The following WDR90 variants were observed in gnomAD, a reference collection of about 807,000 sequenced individuals.
The protein encoded by WDR90 is WD repeat domain 90.
A neutral mutation model predicts 195.2 loss-of-function variants in WDR90; 238 were observed. The observed-to-expected ratio is 1.22, with a 90% CI of 1.10 to 1.36. The LOEUF (loss-of-function observed/expected upper bound fraction) is 1.36. Ranked by LOEUF, WDR90 falls within the 40% of genes most tolerant of loss-of-function variation. WDR90 has a pLI of 0.00. For synonymous variants in WDR90, 1,265 were observed against 1,052.4 expected (o/e 1.20, Z -3.91); for missense variants, 2,734 against 2,439.5 (o/e 1.12, Z -2.54).
chr16:657,375 C>G (rs927750577), intron 20 of WDR90, 154 bp downstream of exon 20: 2 of 1,201,074 alleles, frequency 1.7e-6, no homozygotes, highest in African/African-American at 3.1e-5. Flanking sequence ...TGTCAAGGCC[C>G]TGAGGAGACT....
intron 13 of WDR90, chr16:654,784 G>A (rs570459092): frequency 1.1e-5 from 6 of 542,290 alleles, no homozygotes; most frequent in South Asian, 9.4e-5. Flanking sequence ...CGGCTTGCGG[G>A]GGGGTTTGTA....
chr16:666,791 A>G lies in WDR90; in HGVS notation c.5003A>G (p.Gln1668Arg), dbSNP rs201545943. ...ATCATCTACAACCTCTGCCAGAAGC[A>G]GGTACACGCAGCTGCCCGCGTGTCA... ...EVIIYNLCQK[Q>R]VVEKIPLPFF... is the part of the protein sequence containing the mutation. The change falls in exon 39 of 41, where the codon CAG becomes CGG. Residue 1668 changes from glutamine to arginine, a missense_variant and splice_region_variant. Gln to Arg is a conservative substitution (Grantham distance 43). Transcript: ENST00000293879. 2.5e-6 allele frequency: 4 copies of G among 1,612,666 alleles called. No individual in the cohort carries two copies. Among genetic ancestry groups the G allele is most frequent in the Middle Eastern group, 1.6e-4 (1 of 6,084 alleles).
At position 667,608 on chromosome 16, in the gene WDR90, G is replaced by T. The variant is rs1226910240; in HGVS notation, c.*19G>T. The T allele has an allele frequency of 3.7e-6, 6 of 1,603,726 alleles. No homozygotes were observed. In the South Asian group the frequency reaches 6.6e-5, roughly 18 times the overall value. ...CCTCTGAGATGCAGCAGGGACTGTG[G>T]TGGTGGGCATCACGCCTGGTCATGC... On this transcript the variant is annotated 3_prime_UTR_variant, in exon 41 of 41. Coordinates refer to ENST00000293879, the MANE Select transcript of WDR90 (RefSeq NM_145294.5).
chr16:666,358 A>G lies in WDR90; in HGVS notation c.4740+8A>G. ...TGTGTCACGTGCAAAGAGGTAAAGCAGCCCCAAGAGCTGGGGAGAGGGGGC... is the reference window on the plus strand; with the variant it reads ...TGTGTCACGTGCAAAGAGGTAAAGCGGCCCCAAGAGCTGGGGAGAGGGGGC... On this transcript the variant is annotated splice_region_variant and intron_variant, in intron 37 of 40. Transcript: ENST00000293879. 6.2e-7 allele frequency: 1 copy of G among 1,612,394 alleles called. No individual in the cohort carries two copies. Among genetic ancestry groups the G allele is most frequent in the Non-Finnish European group, 8.5e-7 (1 of 1,179,764 alleles).
chr16:652,502 C>A lies in WDR90; in HGVS notation c.1089C>A (p.Gly363=). 2.5e-6 allele frequency: 4 copies of A among 1,609,908 alleles called. No individual in the cohort carries two copies. The highest frequency in any genetic ancestry group is 3.4e-6 in the Non-Finnish European group (4 of 1,177,886). Residue 363 remains glycine (G), a synonymous_variant, in exon 10 of 41, where the codon GGC becomes GGA. Transcript: ENST00000293879. ...CAGACCCAGTCCTGAGGCTCAAGGG[C>A]GTCATCGGCTTTGGGGGCCACGGCA... ...FLPDPVLRLK[G]VIGFGGHGTR...
Position 652,544 on chromosome 16 carries a change from C to A in WDR90, c.1122+9C>A. 1 of 1,604,714 alleles carries A rather than the reference C, an allele frequency of 6.2e-7. No homozygotes were observed. The highest frequency in any genetic ancestry group is 1.1e-5 in the South Asian group (1 of 90,186). On this transcript the variant is annotated intron_variant, in intron 10 of 40. Coordinates refer to ENST00000293879, the MANE Select transcript of WDR90 (RefSeq NM_145294.5). ...GCCACGGCACCAGACAGGTGAGGCTCCTGCGGCTGTGTCCAGAGCAGCTCT... is the reference window on the plus strand; with the variant it reads ...GCCACGGCACCAGACAGGTGAGGCTACTGCGGCTGTGTCCAGAGCAGCTCT...
At chr16:662,866 C>T (rs941409147) in intron 34 of WDR90, 22 bp downstream of exon 34, 11 of 1,541,808 alleles carry the variant, frequency 7.1e-6, no homozygotes, top group East Asian at 2.4e-5. Flanking sequence ...CCAGCCTGGG[C>T]AGAGGCGGGG....
At chr16:655,494 C>T (rs1472536579) in intron 15 of WDR90, 26 bp downstream of exon 15, 1 of 1,531,878 alleles carries the variant, frequency 6.5e-7, no homozygotes, top group Non-Finnish European at 8.8e-7. Flanking sequence ...TCCCCACGGC[C>T]TGCCCCGGCA....
At chr16:649,946 A>C (rs2037607281) in intron 2 of WDR90, 45 bp from the exon 3 acceptor site, 2 of 1,607,360 alleles carry the variant, frequency 1.2e-6, no homozygotes, top group Non-Finnish European at 1.7e-6. Flanking sequence ...CCCCCGCTGC[A>C]CTTCTTCTGG....
Position 653,836 on chromosome 16 carries a change from G to A in WDR90, c.1437+33G>A, listed in dbSNP as rs577612466. The A allele has an allele frequency of 1.7e-4, 280 of 1,611,818 alleles. 5 individuals carry two copies. In the South Asian group the frequency reaches 2.9e-3, roughly 17 times the overall value. ...GGCCCTGGCTGCGGGTTGGGGTGGG[G>A]CTGTCCTGATGCACGCAGACAGCTG... On this transcript the variant is annotated intron_variant, in intron 13 of 40. Coordinates refer to ENST00000293879, the MANE Select transcript of WDR90 (RefSeq NM_145294.5).
Position 653,465 on chromosome 16 carries a change from G to A in WDR90, c.1233+14G>A, listed in dbSNP as rs201588682. Reference sequence around the variant, plus strand: ...CACACAGACAAGGTGGGTGCTGCCCGGGCCTGGGGCAGCTCACACCTGCAG... The same window carrying A: ...CACACAGACAAGGTGGGTGCTGCCCAGGCCTGGGGCAGCTCACACCTGCAG... On this transcript the variant is annotated intron_variant, in intron 11 of 40. Coordinates refer to ENST00000293879, the MANE Select transcript of WDR90 (RefSeq NM_145294.5). 2.5e-6 allele frequency: 4 copies of A among 1,612,150 alleles called. No individual in the cohort carries two copies. The highest frequency in any genetic ancestry group is 2.2e-5 in the East Asian group (1 of 44,894).
At position 665,784 on chromosome 16, in the gene WDR90, T is replaced by C; in HGVS notation, c.4417T>C (p.Phe1473Leu). The change falls in exon 35 of 41, where the codon TTC (phenylalanine) becomes CTC (leucine). Residue 1473 changes from phenylalanine (F) to leucine (L), a missense_variant. By Grantham distance (22) the Phe-to-Leu change is conservative. Transcript: ENST00000293879. ...GGCCAGCATGGAGCTTGTGATCCAG[T>C]TCCAGGTGCTGAACCAGGTGTGTGG... Reference protein sequence around the residue: ...ALASMELVIQFQVLNQSCLCL... With the variant: ...ALASMELVIQLQVLNQSCLCL... 2 of 1,594,228 alleles carry C rather than the reference T, an allele frequency of 1.3e-6. No individual in the cohort carries two copies. The highest frequency in any genetic ancestry group is 1.7e-6 in the Non-Finnish European group (2 of 1,166,974).
At position 653,627 on chromosome 16, in the gene WDR90, T is replaced by C. The variant is rs2037688314; in HGVS notation, c.1336T>C (p.Leu446=). The C allele has an allele frequency of 6.2e-7, 1 of 1,613,542 alleles. No homozygotes were observed. The highest frequency in any genetic ancestry group is 1.1e-5 in the South Asian group (1 of 91,088). ...CTGGGACTTCCAGACCGGGCGGTGC[T>C]TGTGCCTGTTCCGGAGCCCAATGCA... is the stretch of plus-strand genomic sequence containing the variant. ...RLWDFQTGRC[L]CLFRSPMHVV... is the part of the protein sequence containing the mutation. Residue 446 remains leucine (L), a synonymous_variant, in exon 12 of 41, where the codon TTG becomes CTG. Transcript: ENST00000293879.
In WDR90 at chr16:656,751, C is replaced by T. The variant is rs749236720; in HGVS notation, c.2222C>T (p.Ser741Leu). The T allele has an allele frequency of 9.3e-6, 15 of 1,613,142 alleles. No homozygotes were observed. The South Asian group carries it at 1.6e-4, about 18-fold the overall frequency. The change falls in exon 19 of 41, where the codon TCA becomes TTA. Residue 741 changes from serine to leucine, a missense_variant. Physicochemically the swap from Ser to Leu is moderately radical, Grantham distance 145. Transcript: ENST00000293879. ...TLQQLYDFTS[S>L]EDAPCAVTFH... Reference sequence around the variant, plus strand: ...CCACAGCTATACGACTTCACATCATCAGAGGACGCCCCGTGCGCTGTCACC... The same window carrying T: ...CCACAGCTATACGACTTCACATCATTAGAGGACGCCCCGTGCGCTGTCACC...
intron 30 of WDR90, 44 bp downstream of exon 30, chr16:661,545 CG>C (rs11284424): frequency 0.42 from 668,269 of 1,573,060 alleles, 161,255 homozygotes; most frequent in East Asian, 0.97. Flanking sequence ...CCCTAGACCC[CG>C]GGGGGGGCTG....
intron 34 of WDR90, chr16:663,262 A>G (rs2151348512): frequency 2.9e-6 from 1 of 345,886 alleles, no homozygotes; most frequent in East Asian, 8.0e-5. Flanking sequence ...ACATGGCGAA[A>G]TCCCATCTCT....
At chr16:658,040 A>C in intron 21 of WDR90, 143 bp from the exon 22 acceptor site, 2 of 1,449,488 alleles carry the variant, frequency 1.4e-6, no homozygotes, top group Non-Finnish European at 1.8e-6. Context: ...TGTGGGGCCC[A>C]CGTGCGGCCA....
At position 656,244 on chromosome 16, in the gene WDR90, G is replaced by A. The variant is rs2037750624; in HGVS notation, c.1967-58G>A. On this transcript the variant is annotated intron_variant, in intron 17 of 40. Coordinates refer to ENST00000293879, the MANE Select transcript of WDR90 (RefSeq NM_145294.5). ...CTGGGGTGTCGGGGACCCGAAGCCT[G>A]AGCATGCGGCTCACCCCGGGGTGGC... 4 of 1,510,140 alleles carry A rather than the reference G, an allele frequency of 2.6e-6. No homozygotes were observed. The South Asian group carries it at 4.8e-5, about 18-fold the overall frequency. 93.5% of individuals were successfully genotyped at this position (1,510,140 alleles called of 1,614,324 possible). A position where few individuals can be genotyped will look rare whatever the true frequency, so the allele number is the denominator to read the frequency against.
chr16:653,352 C>A lies in WDR90; in HGVS notation c.1134C>A (p.Thr378=), dbSNP rs934225082. The change falls in exon 11 of 41, where the codon ACC becomes ACA. Residue 378 remains threonine (T), a synonymous_variant. Transcript: ENST00000293879. ...CCCCCTTGTGCCAGGCCCTGTGGAC[C>A]CCAGACGGGGCGGCTGTCGTGTACC... ...GGHGTRQALW[T]PDGAAVVYPC... is the part of the protein sequence containing the mutation. 6.4e-7 allele frequency: 1 copy of A among 1,568,016 alleles called. No individual in the cohort carries two copies. The highest frequency in any genetic ancestry group is 2.0e-5 in the Admixed American group (1 of 50,984).
Sources: allele counts gnomAD v4.1 joint callset, GRCh38; gene constraint gnomAD v4.1.1; transcripts MANE v1.5; gene names NCBI Gene and HGNC (gene_info 2026-07-23, HGNC 2026-07-21).